Variants in DOCK2 observed in about 807,000 individuals in gnomAD.
The protein encoded by DOCK2 is dedicator of cytokinesis 2.
Under a neutral mutation model 248.9 loss-of-function variants are expected in DOCK2, and 87 were observed. The ratio of observed to expected loss-of-function variants is 0.35; its 90% CI spans 0.29 to 0.42. The LOEUF is 0.42. DOCK2 is among the 10% of genes least tolerant of loss of function. The pLI, the probability that DOCK2 is intolerant of heterozygous loss-of-function variation, is 1.00. For missense variants in DOCK2, 1,747 were observed against 2,300.2 expected (o/e 0.76, Z 4.92); for synonymous variants, 805 against 821.6 (o/e 0.98, Z 0.35).
chr5:169,889,815 G>T (rs958602955), intron 27 of DOCK2, among the ~76,000 whole-genome samples: 4 of 152,180 alleles, frequency 2.6e-5, no homozygotes, highest in African/African-American at 9.7e-5. Flanking sequence ...GATTTGGCCT[G>T]GGAGCCATAG....
At chr5:169,898,845 G>A (rs942450207) in intron 27 of DOCK2, among the ~76,000 whole-genome samples, 1 of 152,122 alleles carries the variant, frequency 6.6e-6, no homozygotes, top group Non-Finnish European at 1.5e-5. Flanking sequence ...GCCCGTGGAC[G>A]GTAGTTTGCT....
intron 27 of DOCK2, among the ~76,000 whole-genome samples, chr5:169,941,887 G>A (rs182750840): frequency 1.3e-5 from 2 of 152,292 alleles, no homozygotes; most frequent in East Asian, 3.9e-4. Context: ...GGGTCACGCT[G>A]CATCAGGAAC....
chr5:169,718,960 C>T (rs1762050808), intron 22 of DOCK2, among the ~76,000 whole-genome samples, 169 bp downstream of exon 22: 1 of 152,134 alleles, frequency 6.6e-6, no homozygotes, highest in Non-Finnish European at 1.5e-5. Flanking sequence ...ATTGTACCCT[C>T]TAAGTTCATT....
At chr5:169,954,343 G>T (rs1776781880) in intron 27 of DOCK2, among the ~76,000 whole-genome samples, 1 of 152,190 alleles carries the variant, frequency 6.6e-6, no homozygotes, top group Admixed American at 6.5e-5. Context: ...AACAATTAAT[G>T]ATGTTTATAT....
At chr5:169,941,565 A>G (rs1288793085) in intron 27 of DOCK2, among the ~76,000 whole-genome samples, 1 of 152,236 alleles carries the variant, frequency 6.6e-6, no homozygotes. Flanking sequence ...TGGGCTGCAC[A>G]GTGATGGAAA....
In DOCK2 at chr5:169,778,857, T is replaced by C. The variant is rs116034389; in HGVS notation, c.2554+17232T>C. On this transcript the variant is annotated intron_variant, in intron 25 of 51. Coordinates refer to ENST00000520908, the MANE Select transcript of DOCK2 (RefSeq NM_004946.3). Reference sequence around the variant, plus strand: ...CACTGTATCTATGTCTCTGTCAGTCTACTGATCTACCAATCTATCTATCTA... The same window carrying C: ...CACTGTATCTATGTCTCTGTCAGTCCACTGATCTACCAATCTATCTATCTA... 8.0e-3 allele frequency among the ~76,000 whole-genome samples: 1,224 copies of C among 152,336 alleles called. 22 individuals are homozygous for C. The highest frequency in any genetic ancestry group is 0.028 in the African/African-American group (1,182 of 41,590).
At chr5:169,772,891 C>T (rs565728562) in intron 25 of DOCK2, 4 of 152,262 alleles carry the variant, frequency 2.6e-5, no homozygotes, top group Non-Finnish European at 2.9e-5. Context: ...ATGATGCATT[C>T]GAGGTTACAC....
intron 22 of DOCK2, among the ~76,000 whole-genome samples, chr5:169,746,482 G>T (rs183928656): frequency 6.6e-6 from 1 of 152,314 alleles, no homozygotes; most frequent in South Asian, 2.1e-4. Context: ...CTTTTTGAGC[G>T]TGTAGGGCTG....
At chr5:169,801,153 T>G (rs1581208567) in intron 25 of DOCK2, among the ~76,000 whole-genome samples, 1 of 88,804 alleles carries the variant, frequency 1.1e-5, no homozygotes, top group South Asian at 4.2e-4. Context: ...TGGGTTTTTT[T>G]TTTTTTTTTT....
chr5:170,076,269 AC>A (rs1757836019), intron 47 of DOCK2, among the ~76,000 whole-genome samples, 185 bp downstream of exon 47: 1 of 151,990 alleles, frequency 6.6e-6, no homozygotes, highest in South Asian at 2.1e-4. Flanking sequence ...AGCAAAAGTA[AC>A]CCCCAGACAA....
rs544569850 is a variant in DOCK2, at chr5:170,072,709, C to G, written c.4729-3238C>G. ...CTGGGAGTCTTTTTTAATTCTAGTC[C>G]TTCTGGTGGATGTGTAATGATATCT... On this transcript the variant is annotated intron_variant, in intron 46 of 51. Coordinates refer to ENST00000520908, the MANE Select transcript of DOCK2 (RefSeq NM_004946.3). Among the ~76,000 whole-genome samples, 259 of 152,276 alleles carry G rather than the reference C, an allele frequency of 1.7e-3. 2 individuals are homozygous for G. Among genetic ancestry groups the G allele is most frequent in the African/African-American group, 5.8e-3 (242 of 41,570 alleles).
chr5:169,761,218 G>A (rs1254036197), intron 24 of DOCK2: 1 of 244,506 alleles, frequency 4.1e-6, no homozygotes, highest in African/African-American at 2.2e-5. Context: ...ATTGTATATA[G>A]CTTGTAGAGT....
chr5:170,047,681 T>C, intron 40 of DOCK2, 67 bp downstream of exon 40: 1 of 1,442,452 alleles, frequency 6.9e-7, no homozygotes, highest in Non-Finnish European at 9.6e-7. Flanking sequence ...GCGGTCCTTC[T>C]ATGCTTTGAG....
intron 26 of DOCK2, among the ~76,000 whole-genome samples, chr5:169,810,397 G>C (rs1425430874): frequency 6.6e-6 from 1 of 152,160 alleles, no homozygotes; most frequent in East Asian, 1.9e-4. Context: ...AAACAAAATT[G>C]TATCAAATTG....
Position 170,055,415 on chromosome 5 carries a change from G to A in DOCK2, c.4295+29G>A, listed in dbSNP as rs753574947. ...AGACTCGTTGTCCACAGGGAAGAAG[G>A]ATGGGGAAGAGAACCCATTGGGGCC... On this transcript the variant is annotated intron_variant, in intron 42 of 51. Coordinates refer to ENST00000520908, the MANE Select transcript of DOCK2 (RefSeq NM_004946.3). The A allele has an allele frequency of 5.0e-6, 8 of 1,609,366 alleles. No homozygotes were observed. In the Admixed American group the frequency reaches 1.0e-4, roughly 20 times the overall value.
At chr5:169,887,177 G>A (rs1297767450) in intron 27 of DOCK2, among the ~76,000 whole-genome samples, 1 of 152,100 alleles carries the variant, frequency 6.6e-6, no homozygotes, top group Non-Finnish European at 1.5e-5. Context: ...TAGCAAGCAG[G>A]TTTCAAACTC....
At chr5:169,790,591 C>A (rs1272961340) in intron 25 of DOCK2, among the ~76,000 whole-genome samples, 1 of 152,206 alleles carries the variant, frequency 6.6e-6, no homozygotes, top group Non-Finnish European at 1.5e-5. Context: ...TTTATTCCAG[C>A]CTGTCTGGAC....
chr5:169,900,711 T>C (rs1018560877), intron 27 of DOCK2, among the ~76,000 whole-genome samples: 9 of 152,116 alleles, frequency 5.9e-5, no homozygotes, highest in African/African-American at 1.9e-4. Flanking sequence ...TATGACTTAA[T>C]GTGTAGAGTT....
rs576361335 is a variant in DOCK2, at chr5:169,741,999, G to A, written c.2268-5397G>A. On this transcript the variant is annotated intron_variant, in intron 22 of 51. Transcript: ENST00000520908. Reference sequence around the variant, plus strand: ...TAATTTTTTAAATATTTTTTTTATAGTAGAGATGGAGTTTCACCGTGTTAG... The same window carrying A: ...TAATTTTTTAAATATTTTTTTTATAATAGAGATGGAGTTTCACCGTGTTAG... Among the ~76,000 whole-genome samples the A allele has an allele frequency of 1.2e-4, 18 of 151,820 alleles. No homozygotes were observed. In the East Asian group the frequency reaches 2.7e-3, roughly 23 times the overall value.
Sources: allele counts gnomAD v4.1 joint callset (sites outside exome capture counted in the v4.1 genomes callset), GRCh38; gene constraint gnomAD v4.1.1; transcripts MANE v1.5; gene names NCBI Gene and HGNC (gene_info 2026-07-23, HGNC 2026-07-21).